Variants in CNGA3 observed in about 807,000 individuals in gnomAD.
The protein encoded by CNGA3 is cyclic nucleotide gated channel subunit alpha 3.
CNGA3 carries 42 observed loss-of-function variants against 46.6 expected under a neutral mutation model. The observed-to-expected ratio is 0.90, with a 90% CI of 0.70 to 1.17. CNGA3 has a LOEUF of 1.17. Among genes scored for constraint, CNGA3 ranks in the 50% most tolerant of loss-of-function variants. The probability of loss-of-function intolerance (pLI) is 0.00; values close to 1 mark genes in which losing one functional copy is unlikely to be tolerated. For missense variants in CNGA3, 893 were observed against 890.7 expected (o/e 1.00, Z -0.03); for synonymous variants, 394 against 369.4 (o/e 1.07, Z -0.76).
chr2:98,389,609 CT>C, intron 5 of CNGA3, 48 bp from the exon 6 acceptor site: 1 of 1,540,986 alleles, frequency 6.5e-7, no homozygotes. Context: ...CCCTCCAAAG[CT>C]ACAGTCTTGG....
At chr2:98,377,922 CAGGAGCAG>C in intron 3 of CNGA3, 122 bp downstream of exon 3, 1 of 1,304,278 alleles carries the variant, frequency 7.7e-7, no homozygotes, top group Non-Finnish European at 1.1e-6. Context: ...AAGAAAGGGT[CAGGAGCAG>C]AGCAGCCTGA....
chr2:98,354,577 G>C (rs1691838404), intron 1 of CNGA3, among the ~76,000 whole-genome samples: 1 of 152,158 alleles, frequency 6.6e-6, no homozygotes, highest in African/African-American at 2.4e-5. Context: ...TTGAGCCTAG[G>C]AGTTTGAGAC....
At chr2:98,384,416 G>C (rs76493080) in intron 5 of CNGA3, among the ~76,000 whole-genome samples, 1,859 of 152,300 alleles carry the variant, frequency 0.012, 38 homozygotes, top group African/African-American at 0.043. Context: ...ATATCAGTGA[G>C]AAATGCCGAT....
At chr2:98,393,987 G>C (rs969069699) in intron 7 of CNGA3, among the ~76,000 whole-genome samples, 4 of 150,992 alleles carry the variant, frequency 2.6e-5, no homozygotes, top group Non-Finnish European at 5.9e-5. Context: ...AGTTTGAGCA[G>C]AGTGAGACGT....
At chr2:98,385,303 A>G (rs1200464891) in intron 5 of CNGA3, among the ~76,000 whole-genome samples, 1 of 152,236 alleles carries the variant, frequency 6.6e-6, no homozygotes, top group Non-Finnish European at 1.5e-5. Context: ...AAAAGAGACC[A>G]GGGTTCACAT....
intron 3 of CNGA3, among the ~76,000 whole-genome samples, chr2:98,379,144 G>A (rs1217958707): frequency 6.6e-6 from 1 of 152,266 alleles, no homozygotes; most frequent in Admixed American, 6.5e-5. Context: ...GCGGCAGAGA[G>A]ACTGGGCTTG....
chr2:98,353,718 A>G (rs1002931650), intron 1 of CNGA3, among the ~76,000 whole-genome samples: 1 of 152,220 alleles, frequency 6.6e-6, no homozygotes, highest in Admixed American at 6.5e-5. Context: ...TTGGTAATTT[A>G]TAAAGAAAAG....
At chr2:98,378,380 C>G (rs1192446842) in intron 3 of CNGA3, among the ~76,000 whole-genome samples, 1 of 152,174 alleles carries the variant, frequency 6.6e-6, no homozygotes, top group Non-Finnish European at 1.5e-5. Flanking sequence ...CTAACAGTGC[C>G]TACCCCACAG....
chr2:98,357,361 TG>T (rs1440971528), intron 1 of CNGA3, among the ~76,000 whole-genome samples: 1 of 152,160 alleles, frequency 6.6e-6, no homozygotes, highest in Non-Finnish European at 1.5e-5. Flanking sequence ...AACACTGTAA[TG>T]GTAAATGTTG....
intron 1 of CNGA3, among the ~76,000 whole-genome samples, chr2:98,362,082 T>A (rs1692047390): frequency 6.6e-6 from 1 of 152,032 alleles, no homozygotes; most frequent in Admixed American, 6.6e-5. Context: ...TGCATTTCCC[T>A]AATGATCAGT....
chr2:98,361,282 T>C (rs1172468392), intron 1 of CNGA3, among the ~76,000 whole-genome samples: 3 of 152,180 alleles, frequency 2.0e-5, no homozygotes, highest in Non-Finnish European at 4.4e-5. Context: ...CATGCAGTGT[T>C]TGGTTTTCTG....
In CNGA3 at chr2:98,380,090, G is replaced by A. The variant is rs972982683; in HGVS notation, c.216-85G>A. ...CTTGAGACAGACAGAGAGGGAGGGA[G>A]AAAGAGAGAGAGGGAAAGACTGGGG... is the stretch of plus-strand genomic sequence containing the variant. On this transcript the variant is annotated intron_variant, in intron 3 of 7. Coordinates refer to ENST00000272602, the MANE Select transcript of CNGA3 (RefSeq NM_001298.3). The A allele has an allele frequency of 4.7e-6, 7 of 1,476,304 alleles. No individual in the cohort carries two copies. In the African/African-American group the frequency reaches 9.7e-5, roughly 20 times the overall value. The allele number at this position is 1,476,304 out of a possible 1,614,324, so 91.5% of individuals were successfully genotyped here.
chr2:98,351,775 T>G (rs1691775762), intron 1 of CNGA3, among the ~76,000 whole-genome samples: 1 of 152,252 alleles, frequency 6.6e-6, no homozygotes, highest in African/African-American at 2.4e-5. Flanking sequence ...TTATTATGTT[T>G]CATGAGTTTC....
chr2:98,396,332 G>T lies in CNGA3; in HGVS notation c.1162G>T (p.Gly388Cys). Residue 388 changes from glycine to cysteine, a missense_variant, in exon 8 of 8, where the codon GGT (glycine) becomes TGT (cysteine). Around this residue, in one of 3 missense-constraint regions of CNGA3, gnomAD observed 548 missense variants for 570.8 expected, o/e 0.96. Coordinates refer to ENST00000272602, the MANE Select transcript of CNGA3 (RefSeq NM_001298.3). ...YLFVVVDFLV[G>C]VLIFATIVGN... ...CTTTGTGGTCGTAGACTTCTTGGTG[G>T]GTGTTCTGATTTTTGCCACCATTGT... 6.2e-7 allele frequency: 1 copy of T among 1,611,780 alleles called. No individual in the cohort carries two copies. The highest frequency in any genetic ancestry group is 2.2e-5 in the East Asian group (1 of 44,812).
rs104893613 is a variant in CNGA3, at chr2:98,396,017, C to T, written c.847C>T (p.Arg283Trp). 77 of 1,614,082 alleles carry T rather than the reference C, an allele frequency of 4.8e-5. No individual in the cohort carries two copies. In the Middle Eastern group the frequency reaches 4.9e-4, roughly 10 times the overall value. Residue 283 changes from arginine to tryptophan, a missense_variant, in exon 8 of 8, where the codon CGG (arginine) becomes TGG (tryptophan). Coordinates refer to ENST00000272602, the MANE Select transcript of CNGA3 (RefSeq NM_001298.3). ...GTTCAACCGCCTACTGAAGTTTTCC[C>T]GGCTCTTTGAATTCTTTGACCGCAC... ...VRFNRLLKFS[R>W]LFEFFDRTET...
chr2:98,395,817 C>G (rs371649326), intron 7 of CNGA3, 27 bp from the exon 8 acceptor site: 2 of 1,608,486 alleles, frequency 1.2e-6, no homozygotes, highest in Admixed American at 3.3e-5. Context: ...CTCTGTGATG[C>G]CCAATGACCT....
chr2:98,391,846 C>T lies in CNGA3; in HGVS notation c.567-18C>T. ...GAAACACACGCACAGCCATCCATCT[C>T]CCACATGGCTTCTTTAGGGCCTGTT... On this transcript the variant is annotated intron_variant, in intron 6 of 7. Transcript: ENST00000272602. 6.2e-7 allele frequency: 1 copy of T among 1,612,582 alleles called. No individual in the cohort carries two copies. The highest frequency in any genetic ancestry group is 8.5e-7 in the Non-Finnish European group (1 of 1,178,592).
At chr2:98,378,177 T>TG in intron 3 of CNGA3, 2 of 1,550,624 alleles carry the variant, frequency 1.3e-6, no homozygotes, top group Non-Finnish European at 1.7e-6. Flanking sequence ...GAGTCTGAAA[T>TG]GGCTCTGGCA....
chr2:98,365,331 C>G (rs771473087), intron 1 of CNGA3, among the ~76,000 whole-genome samples: 1 of 152,188 alleles, frequency 6.6e-6, no homozygotes, highest in Non-Finnish European at 1.5e-5. Context: ...AATCCCTGCC[C>G]TTAACATTTT....
Sources: allele counts gnomAD v4.1 joint callset (sites outside exome capture counted in the v4.1 genomes callset), GRCh38; gene constraint gnomAD v4.1.1; regional missense constraint gnomAD v4.1.1; transcripts MANE v1.5; gene names NCBI Gene and HGNC (gene_info 2026-07-23, HGNC 2026-07-21).